The following SLC22A31 variants were observed in gnomAD, a reference collection of about 807,000 sequenced individuals.
SLC22A31 encodes the protein solute carrier family 22 member 31.
Under a neutral mutation model 27.4 loss-of-function variants are expected in SLC22A31, and 42 were observed. That is an observed-to-expected ratio of 1.53 (90% CI 1.20 to 1.98). The LOEUF (loss-of-function observed/expected upper bound fraction) is 1.98. SLC22A31 is among the 30% of genes most tolerant of loss of function. SLC22A31 has a pLI of 0.00. For missense variants in SLC22A31, 593 were observed against 479.9 expected, an observed-to-expected ratio of 1.24 and a Z score of -2.20; for synonymous variants, 290 against 230.8, an observed-to-expected ratio of 1.26 and a Z score of -2.33.
At position 89,199,743 on chromosome 16, in the gene SLC22A31, C is replaced by T. The variant is rs1302049415; in HGVS notation, c.98G>A (p.Gly33Asp). 2.5e-6 allele frequency: 1 copy of T among 404,036 alleles called. No individual in the cohort carries two copies. The highest frequency in any genetic ancestry group is 2.0e-5 in the African/African-American group (1 of 48,828). 25.0% of individuals were successfully genotyped at this position (404,036 alleles called of 1,614,324 possible). Reference sequence around the variant, plus strand: ...ACAGCCTGCTCCCAGGATGACACAGCCCAGCAGCCAGCCCAGGAGGTGGCT... The same window carrying T: ...ACAGCCTGCTCCCAGGATGACACAGTCCAGCAGCCAGCCCAGGAGGTGGCT... ...QVSHLLGWLL[G>D]CVILGAGCDR... Residue 33 changes from glycine to aspartate, a missense_variant, in exon 2 of 9, where the codon GGC becomes GAC. Gly to Asp is a moderately conservative substitution (Grantham distance 94). Transcript: ENST00000682282.
intron 1 of SLC22A31, chr16:89,200,046 C>G (rs563171109): frequency 9.6e-5 from 37 of 385,158 alleles, no homozygotes; most frequent in African/African-American, 6.4e-4. Flanking sequence ...TCTGCCCACC[C>G]TAAGTTTTCT....
At chr16:89,197,683 C>CACT (rs1192335949) in intron 7 of SLC22A31, among the ~76,000 whole-genome samples, 1 of 152,206 alleles carries the variant, frequency 6.6e-6, no homozygotes, top group Admixed American at 6.5e-5. Context: ...CTGTGCTGTC[C>CACT]ACTGTCTTTG....
At position 89,199,022 on chromosome 16, in the gene SLC22A31, C is replaced by G. The variant is rs895490964; in HGVS notation, c.452+1G>C. Reference sequence around the variant, plus strand: ...GCTGGCCCAGCTCCCACCACACTTACCCCCAAAAGAGCAGCAAGAGTCCAC... The same window carrying G: ...GCTGGCCCAGCTCCCACCACACTTAGCCCCAAAAGAGCAGCAAGAGTCCAC... On this transcript the variant is annotated splice_donor_variant, in intron 4 of 8. Coordinates refer to ENST00000682282, the MANE Select transcript of SLC22A31 (RefSeq NM_001384763.1). LOFTEE classifies it high-confidence loss of function. The G allele has an allele frequency of 3.3e-6, 5 of 1,535,198 alleles. No homozygotes were observed. Among genetic ancestry groups the G allele is most frequent in the Non-Finnish European group, 4.4e-6 (5 of 1,146,510 alleles).
Position 89,199,700 on chromosome 16 carries a change from G to C in SLC22A31, c.128+13C>G, listed in dbSNP as rs1242967147. On this transcript the variant is annotated intron_variant, in intron 2 of 8. Coordinates refer to ENST00000682282, the MANE Select transcript of SLC22A31 (RefSeq NM_001384763.1). Reference sequence around the variant, plus strand: ...AGGGCTGCTGGGCAGCAGGAAAAGGGAAGGGGCCTCACCGGTCACAGCCTG... The same window carrying C: ...AGGGCTGCTGGGCAGCAGGAAAAGGCAAGGGGCCTCACCGGTCACAGCCTG... The C allele has an allele frequency of 1.7e-5, 7 of 406,038 alleles. No individual in the cohort carries two copies. The East Asian group carries it at 2.5e-4, about 14-fold the overall frequency. 25.2% of individuals were successfully genotyped at this position (406,038 alleles called of 1,614,324 possible).
At chr16:89,200,329 G>T (rs1916450761) in intron 1 of SLC22A31, 149 bp downstream of exon 1, 1 of 152,754 alleles carries the variant, frequency 6.5e-6, no homozygotes, top group South Asian at 2.1e-4. Flanking sequence ...CTGGAGAGCT[G>T]TGCTCAGCGG....
intron 7 of SLC22A31, 55 bp from the exon 8 acceptor site, chr16:89,197,464 C>A (rs1567780816): frequency 7.9e-7 from 1 of 1,263,236 alleles, no homozygotes; most frequent in South Asian, 1.3e-5. Context: ...TCCACCCTGG[C>A]CACTCAGGGC....
In SLC22A31 at chr16:89,196,094, A is replaced by T; in HGVS notation, c.1246T>A (p.Ser416Thr). ...CGGGGGCGGCCCCGCAGGAGTGGGG[A>T]GCGGCGCAGGCGGTCGGCGTCCTGC... ...SLQDADRLRR[S>T]PLLRGRPRQD... The change falls in exon 9 of 9, where the codon TCC (serine) becomes ACC (threonine). Residue 416 changes from serine to threonine, a missense_variant. Ser to Thr is a moderately conservative substitution (Grantham distance 58). Transcript: ENST00000682282. 2 of 1,533,096 alleles carry T rather than the reference A, an allele frequency of 1.3e-6. No individual in the cohort carries two copies. Among genetic ancestry groups the T allele is most frequent in the South Asian group, 1.2e-5 (1 of 83,906 alleles). The allele number at this position is 1,533,096 out of a possible 1,614,324, so 95.0% of individuals were successfully genotyped here.
In SLC22A31 at chr16:89,198,485, T is replaced by C; in HGVS notation, c.664A>G (p.Thr222Ala). The change falls in exon 6 of 9, where the codon ACC becomes GCC. Residue 222 changes from threonine (T) to alanine (A), a missense_variant. Coordinates refer to ENST00000682282, the MANE Select transcript of SLC22A31 (RefSeq NM_001384763.1). ...RYHSPLGLLR[T>A]RVTWRNGLIL... ...AGCCCGTTTCTCCAGGTGACTCGGG[T>C]ACGCAGAAGCCCCAGTGGGGAGTGG... is the stretch of plus-strand genomic sequence containing the variant. The C allele has an allele frequency of 6.6e-7, 1 of 1,519,860 alleles. No individual in the cohort carries two copies. Among genetic ancestry groups the C allele is most frequent in the Non-Finnish European group, 8.8e-7 (1 of 1,138,252 alleles). The allele number at this position is 1,519,860 out of a possible 1,614,324, so 94.1% of individuals were successfully genotyped here.
At position 89,198,252 on chromosome 16, in the gene SLC22A31, C is replaced by T. The variant is rs1325516027; in HGVS notation, c.792G>A (p.Glu264=). The change falls in exon 7 of 9, where the codon GAG becomes GAA. Residue 264 remains glutamate, a synonymous_variant. Coordinates refer to ENST00000682282, the MANE Select transcript of SLC22A31 (RefSeq NM_001384763.1). The part of the protein sequence containing the change: ...VPTFYLPYFL[E]AGLEAAALVF... ...CCAAGGCTGCCGCCTCCAGGCCGGC[C>T]TCCAGGAAGTAGGGCAGGTAGAAGG... The T allele has an allele frequency of 9.1e-6, 14 of 1,535,846 alleles. No individual in the cohort carries two copies.
rs1597316990 is a variant in SLC22A31 at position 89,196,205 on chromosome 16, CTTG to C, written c.1132_1134del (p.Gln378del). ...AGGACAGCAAGGGAGGCGAAGACGA[CTTG>C]TTGCAGGAAGAAGCCCTGCCGGCCG... is the stretch of plus-strand genomic sequence containing the variant. On this transcript the variant is annotated inframe_deletion, in exon 9 of 9. Coordinates refer to ENST00000682282, the MANE Select transcript of SLC22A31 (RefSeq NM_001384763.1). 4 of 1,534,898 alleles carry C rather than the reference CTTG, an allele frequency of 2.6e-6. No homozygotes were observed. The highest frequency in any genetic ancestry group is 2.0e-5 in the Admixed American group (1 of 50,968).
chr16:89,198,965 G>A, intron 4 of SLC22A31, 58 bp downstream of exon 4: 1 of 1,517,442 alleles, frequency 6.6e-7, no homozygotes, highest in South Asian at 1.2e-5. Flanking sequence ...TCGGTGCAGA[G>A]GGAAGCTACA....
intron 8 of SLC22A31, 198 bp from the exon 9 acceptor site, chr16:89,196,503 G>GTTGCCC: frequency 1.0e-6 from 1 of 978,798 alleles, no homozygotes; most frequent in Non-Finnish European, 1.5e-6. Context: ...AGCTGGTGGG[G>GTTGCCC]CAACAGATTG....
At position 89,199,201 on chromosome 16, in the gene SLC22A31, C is replaced by G. The variant is rs1380513844; in HGVS notation, c.284-10G>C. 31 of 1,519,412 alleles carry G rather than the reference C, an allele frequency of 2.0e-5. No homozygotes were observed. The highest frequency in any genetic ancestry group is 2.7e-5 in the Non-Finnish European group (31 of 1,138,596). 94.1% of individuals were successfully genotyped at this position (1,519,412 alleles called of 1,614,324 possible). A position where few individuals can be genotyped will look rare whatever the true frequency, so the allele number is the denominator to read the frequency against. On this transcript the variant is annotated splice_polypyrimidine_tract_variant and intron_variant, in intron 3 of 8. Coordinates refer to ENST00000682282, the MANE Select transcript of SLC22A31 (RefSeq NM_001384763.1). Reference sequence around the variant, plus strand: ...TCACACAACTCCAGGCCTGGGCAGACACAGACAGGTTGAAGTGGAGGCCTC... The same window carrying G: ...TCACACAACTCCAGGCCTGGGCAGAGACAGACAGGTTGAAGTGGAGGCCTC...
At position 89,196,019 on chromosome 16, in the gene SLC22A31, G is replaced by A; in HGVS notation, c.1321C>T (p.His441Tyr). ...LPPSNSYWAG[H>Y]TPEQH is the part of the protein sequence containing the mutation. ...CAGGACTAGTGCTGCTCGGGGGTGTGGCCGGCCCAGTAGGAGTTGGAGGGC... is the reference window on the plus strand; with the variant it reads ...CAGGACTAGTGCTGCTCGGGGGTGTAGCCGGCCCAGTAGGAGTTGGAGGGC... Residue 441 changes from histidine to tyrosine, a missense_variant, in exon 9 of 9, where the codon CAC (histidine) becomes TAC (tyrosine). By Grantham distance (83) the His-to-Tyr change is moderately conservative (BLOSUM62 2). Transcript: ENST00000682282. The A allele has an allele frequency of 6.6e-7, 1 of 1,516,942 alleles. No individual in the cohort carries two copies. The highest frequency in any genetic ancestry group is 8.8e-7 in the Non-Finnish European group (1 of 1,137,528). 94.0% of individuals were successfully genotyped at this position (1,516,942 alleles called of 1,614,324 possible). A position where few individuals can be genotyped will look rare whatever the true frequency, so the allele number is the denominator to read the frequency against.
chr16:89,196,490 G>C (rs1248310605), intron 8 of SLC22A31, 185 bp from the exon 9 acceptor site: 5 of 1,132,262 alleles, frequency 4.4e-6, no homozygotes, highest in Non-Finnish European at 6.0e-6. Flanking sequence ...GTGCGTTGGG[G>C]GCAGCTGGTG....
At chr16:89,198,358 T>C (rs969962350) in intron 6 of SLC22A31, 22 bp from the exon 7 acceptor site, 1 of 1,535,524 alleles carries the variant, frequency 6.5e-7, no homozygotes, top group Non-Finnish European at 8.7e-7. Context: ...AGCAAATCTA[T>C]GGGCCCAGCC....
At chr16:89,201,653 C>T (rs1202113660), upstream of SLC22A31, 5 of 397,204 alleles carry the variant, frequency 1.3e-5, no homozygotes, top group African/African-American at 8.2e-5. Context: ...GCACCCGCGC[C>T]TCCTGCTCCA....
chr16:89,199,044 C>G lies in SLC22A31; in HGVS notation c.431G>C (p.Gly144Ala), dbSNP rs375247169. 2.0e-6 allele frequency: 3 copies of G among 1,535,544 alleles called. No homozygotes were observed. Among genetic ancestry groups the G allele is most frequent in the East Asian group, 2.4e-5 (1 of 40,910 alleles). Residue 144 changes from glycine to alanine, a missense_variant, in exon 4 of 9, where the codon GGA becomes GCA. By Grantham distance (60) the Gly-to-Ala change is moderately conservative. Coordinates refer to ENST00000682282, the MANE Select transcript of SLC22A31 (RefSeq NM_001384763.1). The stretch of plus-strand genomic sequence containing the variant: ...TTACCCCCAAAAGAGCAGCAAGAGT[C>G]CACTCATCAGGGCACCCAGCCCCTG... ...LLQGLGALMS[G>A]LLLLFWGFPA...
In SLC22A31 at chr16:89,195,787, C is replaced by G. The variant is rs937856285; in HGVS notation, c.*212G>C. 3.5e-5 allele frequency: 18 copies of G among 521,510 alleles called. No homozygotes were observed. Among genetic ancestry groups the G allele is most frequent in the Non-Finnish European group, 6.6e-6 (2 of 303,690 alleles). The allele number at this position is 521,510 out of a possible 1,614,324, so 32.3% of individuals were successfully genotyped here. ...TCCACAGAAGCCTTTATCCTCCACA[C>G]CTACTGGGTGTGGCTGGGGGGAGAC... On this transcript the variant is annotated 3_prime_UTR_variant, in exon 9 of 9. Coordinates refer to ENST00000682282, the MANE Select transcript of SLC22A31 (RefSeq NM_001384763.1).
Sources: gnomAD v4.1 joint callset for allele counts (sites outside exome capture counted in the v4.1 genomes callset) on GRCh38, gnomAD v4.1.1 for gene constraint, MANE v1.5 for transcripts, NCBI Gene and HGNC (gene_info 2026-07-23, HGNC 2026-07-21) for gene names.